ITGA9: variants seen among roughly 807,000 people sequenced by gnomAD.
ITGA9 encodes the protein integrin subunit alpha 9, also known as integrin alpha-9.
A neutral mutation model predicts 127.8 loss-of-function variants in ITGA9; 56 were observed. That is an observed-to-expected ratio of 0.44 (90% CI 0.35 to 0.55). ITGA9 has a LOEUF of 0.55. ITGA9 is among the 20% of genes least tolerant of loss of function. The pLI is 0.00. For synonymous variants in ITGA9, 508 were observed against 514.5 expected (o/e 0.99, Z 0.17); for missense variants, 1,196 against 1,347.1 (o/e 0.89, Z 1.76).
intron 15 of ITGA9, among the ~76,000 whole-genome samples, chr3:37,560,170 C>G (rs982429616): frequency 6.6e-6 from 1 of 150,964 alleles, no homozygotes; most frequent in Non-Finnish European, 1.5e-5. Context: ...TGTCATTGTT[C>G]AAGTCCCACC....
At position 37,652,750 on chromosome 3, in the gene ITGA9, A is replaced by G. The variant is rs191540488; in HGVS notation, c.1840-964A>G. Among the ~76,000 whole-genome samples, 135 of 152,322 alleles carry G rather than the reference A, an allele frequency of 8.9e-4. 1 individual carries two copies. Among genetic ancestry groups the G allele is most frequent in the Middle Eastern group, 6.8e-3 (2 of 294 alleles). ...TTTAATAATGAGTAAATTACAACTA[A>G]AAGTTGTCAACAGGCTCTTCTCTCC... On this transcript the variant is annotated intron_variant, in intron 16 of 27. Coordinates refer to ENST00000264741, the MANE Select transcript of ITGA9 (RefSeq NM_002207.3).
intron 18 of ITGA9, among the ~76,000 whole-genome samples, chr3:37,722,767 C>G (rs911556577): frequency 6.6e-6 from 1 of 152,182 alleles, no homozygotes; most frequent in African/African-American, 2.4e-5. Context: ...ACAAATTATG[C>G]TGCTATCAAT....
chr3:37,697,983 C>A (rs1700903516), intron 18 of ITGA9, among the ~76,000 whole-genome samples: 1 of 152,224 alleles, frequency 6.6e-6, no homozygotes, highest in African/African-American at 2.4e-5. Context: ...TCTCCACATC[C>A]TCTCCAGCAT....
chr3:37,704,118 G>T (rs1045982787), intron 18 of ITGA9, among the ~76,000 whole-genome samples: 7 of 152,146 alleles, frequency 4.6e-5, no homozygotes, highest in African/African-American at 1.7e-4. Context: ...TTACCCTCTG[G>T]AGTGCCAGGT....
intron 17 of ITGA9, among the ~76,000 whole-genome samples, chr3:37,662,129 G>A (rs991755062): frequency 5.3e-5 from 8 of 152,114 alleles, no homozygotes; most frequent in African/African-American, 1.2e-4. Flanking sequence ...GGGGCCAGGC[G>A]CAGTGGCTGT....
intron 22 of ITGA9, chr3:37,748,674 G>A (rs536001176): frequency 2.4e-5 from 13 of 532,388 alleles, no homozygotes; most frequent in Middle Eastern, 5.3e-4. Flanking sequence ...TTCGAATCCA[G>A]GAGGTGGAAG....
intron 23 of ITGA9, among the ~76,000 whole-genome samples, chr3:37,757,683 T>G (rs1696670459): frequency 6.6e-6 from 1 of 151,594 alleles, no homozygotes; most frequent in Non-Finnish European, 1.5e-5. Context: ...TTTTCAATTT[T>G]ATTCACACAA....
intron 17 of ITGA9, among the ~76,000 whole-genome samples, chr3:37,660,447 A>T (rs1700522400): frequency 6.6e-6 from 1 of 152,220 alleles, no homozygotes; most frequent in South Asian, 2.1e-4. Context: ...CCATTAGTGG[A>T]TGATCAAATC....
intron 17 of ITGA9, among the ~76,000 whole-genome samples, chr3:37,683,059 A>C: frequency 6.6e-6 from 1 of 152,206 alleles, no homozygotes; most frequent in Non-Finnish European, 1.5e-5. Context: ...TCCGAGGGTC[A>C]AACCAAGGTC....
At chr3:37,635,547 A>G (rs1700269017) in intron 16 of ITGA9, among the ~76,000 whole-genome samples, 1 of 147,254 alleles carries the variant, frequency 6.8e-6, no homozygotes, top group Non-Finnish European at 1.5e-5. Context: ...GGATTTTGTG[A>G]GAAATGAAAA....
chr3:37,565,014 G>C (rs1345847284), intron 15 of ITGA9, among the ~76,000 whole-genome samples: 1 of 152,208 alleles, frequency 6.6e-6, no homozygotes, highest in East Asian at 1.9e-4. Flanking sequence ...TGACCTGAGG[G>C]CCTGTGGCTC....
At chr3:37,679,418 C>T (rs1349779794) in intron 17 of ITGA9, among the ~76,000 whole-genome samples, 1 of 152,172 alleles carries the variant, frequency 6.6e-6, no homozygotes, top group Non-Finnish European at 1.5e-5. Flanking sequence ...AAGCCCTTCC[C>T]GACTGAGATG....
At chr3:37,471,215 C>T in intron 2 of ITGA9, 81 bp downstream of exon 2, 1 of 1,485,982 alleles carries the variant, frequency 6.7e-7, no homozygotes, top group Non-Finnish European at 9.4e-7. Context: ...ATGGCCTGAT[C>T]ATTCACTCAC....
At chr3:37,547,015 T>C (rs1354380394) in intron 15 of ITGA9, among the ~76,000 whole-genome samples, 2 of 152,042 alleles carry the variant, frequency 1.3e-5, no homozygotes, top group African/African-American at 2.4e-5. Context: ...ATGGCAACAG[T>C]TCTGAGTCTG....
intron 27 of ITGA9, 140 bp downstream of exon 27, chr3:37,804,082 A>C: frequency 2.3e-6 from 3 of 1,308,780 alleles, no homozygotes; most frequent in South Asian, 2.5e-5. Flanking sequence ...CCCTTCAGGC[A>C]GGGAGTGGAA....
Position 37,822,382 on chromosome 3 carries a change from G to A in ITGA9, c.*3393G>A, listed in dbSNP as rs1697524785. 1 of 152,192 alleles carries A rather than the reference G, an allele frequency of 6.6e-6. No homozygotes were observed. The highest frequency in any genetic ancestry group is 1.5e-5 in the Non-Finnish European group (1 of 68,050). The allele number at this position is 152,192 out of a possible 1,614,324, so 9.4% of individuals were successfully genotyped here. On this transcript the variant is annotated 3_prime_UTR_variant, in exon 28 of 28. Transcript: ENST00000264741. The stretch of plus-strand genomic sequence containing the variant: ...CAGGAGAGTTTGGAACATCCTCCAA[G>A]TGGGCCATAGAGCTGTCACAAAGAA...
In ITGA9 at chr3:37,750,460, A is replaced by G; in HGVS notation, c.2434-2A>G. The G allele has an allele frequency of 6.3e-7, 1 of 1,575,634 alleles. No homozygotes were observed. Among genetic ancestry groups the G allele is most frequent in the Non-Finnish European group, 8.7e-7 (1 of 1,144,746 alleles). On this transcript the variant is annotated splice_acceptor_variant, in intron 22 of 27. Transcript: ENST00000264741. LOFTEE classifies it high-confidence loss of function. ...CTTGCTGTGTGTGTTCCACACCCAC[A>G]GGTCTACAACACTGGCCCAAGCACC...
intron 18 of ITGA9, among the ~76,000 whole-genome samples, chr3:37,717,999 C>G (rs1358368274): frequency 6.6e-6 from 1 of 152,164 alleles, no homozygotes; most frequent in Non-Finnish European, 1.5e-5. Flanking sequence ...TGCAACAGCA[C>G]CCCCATGCAT....
chr3:37,634,956 A>G (rs1333448591), intron 16 of ITGA9, among the ~76,000 whole-genome samples: 1 of 152,238 alleles, frequency 6.6e-6, no homozygotes, highest in East Asian at 1.9e-4. Flanking sequence ...CAGAAAATTC[A>G]CAAATACGTG....
Sources: allele counts gnomAD v4.1 joint callset (sites outside exome capture counted in the v4.1 genomes callset), GRCh38; gene constraint gnomAD v4.1.1; transcripts MANE v1.5; gene names NCBI Gene and HGNC (gene_info 2026-07-23, HGNC 2026-07-21).